Variants in CACNG2 observed in about 807,000 individuals in gnomAD.
CACNG2 encodes calcium voltage-gated channel auxiliary subunit gamma 2, also known as voltage-dependent calcium channel gamma-2 subunit.
Under a neutral mutation model 25.9 loss-of-function variants are expected in CACNG2, and 3 were observed. That is an observed-to-expected ratio of 0.12 (90% confidence interval 0.05 to 0.30). CACNG2 has a LOEUF of 0.30. Among genes scored for constraint, CACNG2 ranks in the 10% least tolerant of loss-of-function variants. The probability of loss-of-function intolerance (pLI) is 1.00; values close to 1 mark genes in which losing one functional copy is unlikely to be tolerated. For missense variants in CACNG2, 341 were observed against 432.5 expected (o/e 0.79, Z 1.88); for synonymous variants, 167 against 173.3 (o/e 0.96, Z 0.29).
intron 1 of CACNG2, among the ~76,000 whole-genome samples, chr22:36,681,842 C>T (rs931598139): frequency 2.0e-4 from 30 of 152,226 alleles, no homozygotes; most frequent in African/African-American, 7.0e-4. Context: ...TACAGTAGAT[C>T]CCAGAGGATC....
At chr22:36,697,018 T>C (rs1466362124) in intron 1 of CACNG2, among the ~76,000 whole-genome samples, 1 of 152,192 alleles carries the variant, frequency 6.6e-6, no homozygotes, top group Non-Finnish European at 1.5e-5. Flanking sequence ...TTACGTAGGA[T>C]GTAAATTTGC....
chr22:36,656,133 G>T lies in CACNG2; in HGVS notation c.211+46233C>A, dbSNP rs376481849. ...CACTTAAGATTTTCAAATATCTTTA[G>T]GTTCATAACCAAGGGCTACTGAAGA... On this transcript the variant is annotated intron_variant, in intron 1 of 3. Coordinates refer to ENST00000300105, the MANE Select transcript of CACNG2 (RefSeq NM_006078.5). 6.6e-5 allele frequency among the ~76,000 whole-genome samples: 10 copies of T among 152,122 alleles called. 1 individual carries two copies. The highest frequency in any genetic ancestry group is 6.2e-4 in the South Asian group (3 of 4,816).
At chr22:36,593,832 C>G (rs929876929) in intron 1 of CACNG2, among the ~76,000 whole-genome samples, 9 of 151,774 alleles carry the variant, frequency 5.9e-5, no homozygotes, top group Non-Finnish European at 2.9e-5. Flanking sequence ...ACTTGGAGCT[C>G]GGTGGGCCCT....
At position 36,606,752 on chromosome 22, in the gene CACNG2, CTGTGCG is replaced by C. The variant is rs1935839122; in HGVS notation, c.212-19210_212-19205del. 3.1e-5 allele frequency among the ~76,000 whole-genome samples: 4 copies of C among 130,428 alleles called. No individual in the cohort carries two copies. 85.6% of individuals were successfully genotyped at this position (130,428 alleles called of 152,430 possible). On this transcript the variant is annotated intron_variant, in intron 1 of 3. Coordinates refer to ENST00000300105, the MANE Select transcript of CACNG2 (RefSeq NM_006078.5). This position sits in a 1 kb window ranked among gnomAD's most constrained non-coding sequence, Gnocchi z 5.7. ...AGAGGACGGAAACCAGACGGTTGGGCTGTGCGTGTGTGTGTGTGTGTGTGTGTATGT... is the reference window on the plus strand; with the variant it reads ...AGAGGACGGAAACCAGACGGTTGGGCTGTGTGTGTGTGTGTGTGTGTATGT...
intron 1 of CACNG2, among the ~76,000 whole-genome samples, chr22:36,699,650 G>T (rs5756295): frequency 1.4e-5 from 2 of 138,636 alleles, no homozygotes; most frequent in Admixed American, 7.3e-5. Flanking sequence ...GTTAAGGGGT[G>T]GGGGGTGGGG....
intron 1 of CACNG2, among the ~76,000 whole-genome samples, chr22:36,661,273 G>A (rs1305779415): frequency 2.0e-5 from 3 of 152,220 alleles, no homozygotes; most frequent in African/African-American, 7.2e-5. Context: ...CACCTGGGGA[G>A]CAACATTTAC....
chr22:36,700,079 A>C (rs1186325158), intron 1 of CACNG2, among the ~76,000 whole-genome samples: 1 of 152,242 alleles, frequency 6.6e-6, no homozygotes, highest in Non-Finnish European at 1.5e-5. Context: ...AGGGCCCCAC[A>C]GTACTGCCCG....
chr22:36,572,971 C>T (rs1191211824), intron 2 of CACNG2, among the ~76,000 whole-genome samples: 1 of 152,148 alleles, frequency 6.6e-6, no homozygotes, highest in Non-Finnish European at 1.5e-5. Context: ...CTTTCTAGAG[C>T]TTATACTCTC....
intron 2 of CACNG2, among the ~76,000 whole-genome samples, chr22:36,574,260 A>T (rs2145912062): frequency 6.6e-6 from 1 of 152,326 alleles, no homozygotes; most frequent in Non-Finnish European, 1.5e-5. Context: ...ACTGCAGCTG[A>T]TCGGAGAGGA....
intron 2 of CACNG2, among the ~76,000 whole-genome samples, chr22:36,582,690 C>G (rs1055359780): frequency 6.6e-6 from 1 of 150,918 alleles, no homozygotes; most frequent in African/African-American, 2.4e-5. Context: ...ATTACAGGCA[C>G]CCGCCACCAC....
chr22:36,682,867 CTTTCT>C (rs1165670632), intron 1 of CACNG2, among the ~76,000 whole-genome samples: 1 of 152,182 alleles, frequency 6.6e-6, no homozygotes, highest in Non-Finnish European at 1.5e-5. Context: ...ACGGCTCTCA[CTTTCT>C]TTTAATTGAA....
intron 1 of CACNG2, among the ~76,000 whole-genome samples, chr22:36,602,489 G>A (rs938535580): frequency 6.6e-6 from 1 of 152,080 alleles, no homozygotes; most frequent in Admixed American, 6.5e-5. Flanking sequence ...AGGTTCAAGC[G>A]ATTCTCTTGC....
chr22:36,662,939 A>T (rs926177252), intron 1 of CACNG2, among the ~76,000 whole-genome samples: 2 of 152,038 alleles, frequency 1.3e-5, no homozygotes, highest in Admixed American at 6.6e-5. Context: ...TGGCGTAGTT[A>T]TCTCTGTATC....
At chr22:36,693,155 A>G (rs1445256288) in intron 1 of CACNG2, among the ~76,000 whole-genome samples, 1 of 152,166 alleles carries the variant, frequency 6.6e-6, no homozygotes, top group Admixed American at 6.5e-5. Context: ...AAAAAAAAGA[A>G]AAAAGGGGAC....
intron 2 of CACNG2, among the ~76,000 whole-genome samples, chr22:36,577,102 C>T (rs1017647198): frequency 6.6e-6 from 1 of 152,148 alleles, no homozygotes; most frequent in African/African-American, 2.4e-5. Flanking sequence ...GCTGCCCCCT[C>T]TGCCATATGG....
At chr22:36,639,122 G>C (rs553648071) in intron 1 of CACNG2, among the ~76,000 whole-genome samples, 1 of 152,178 alleles carries the variant, frequency 6.6e-6, no homozygotes. Context: ...CCAGTTACTC[G>C]TCTGTGTGAC....
intron 2 of CACNG2, among the ~76,000 whole-genome samples, chr22:36,580,827 C>T (rs904736928): frequency 1.3e-5 from 2 of 152,086 alleles, no homozygotes; most frequent in African/African-American, 4.8e-5. Context: ...TGTCACCTCC[C>T]ATCTCCTGGA....
intron 2 of CACNG2, chr22:36,585,040 G>A (rs1935477471): frequency 6.6e-6 from 1 of 152,218 alleles, no homozygotes; most frequent in South Asian, 2.1e-4. Flanking sequence ...ATTGATCTCG[G>A]GGCATTAGAC....
chr22:36,701,952 G>C (rs1013040822), intron 1 of CACNG2, among the ~76,000 whole-genome samples: 2 of 152,222 alleles, frequency 1.3e-5, no homozygotes, highest in Admixed American at 1.3e-4. Flanking sequence ...AAAGGGAAGA[G>C]CATTTTTGAA....
Sources: gnomAD v4.1 joint callset for allele counts (sites outside exome capture counted in the v4.1 genomes callset) on GRCh38, gnomAD v4.1.1 for gene constraint, Gnocchi (gnomAD v3.1) non-coding constraint, MANE v1.5 for transcripts, NCBI Gene and HGNC (gene_info 2026-07-23, HGNC 2026-07-21) for gene names.